Variants in PCDHGA8 observed in about 807,000 individuals in gnomAD.
PCDHGA8 encodes the protein protocadherin gamma subfamily A, 8.
In PCDHGA8, 45 loss-of-function variants were observed where a neutral mutation model predicts 59.2. The observed-to-expected ratio is 0.76, with a 90% CI of 0.60 to 0.98. PCDHGA8 has a LOEUF of 0.98. Among genes scored for constraint, PCDHGA8 ranks in the 50% least tolerant of loss-of-function variants. The pLI, the probability that PCDHGA8 is intolerant of heterozygous loss-of-function variation, is 0.00. For missense variants in PCDHGA8, 1,257 were observed against 1,196.2 expected, an observed-to-expected ratio of 1.05 and a Z score of -0.75; for synonymous variants, 531 against 519.0, an observed-to-expected ratio of 1.02 and a Z score of -0.32.
At chr5:141,456,197 C>T (rs1353243708) in intron 1 of PCDHGA8, among the ~76,000 whole-genome samples, 1 of 152,090 alleles carries the variant, frequency 6.6e-6, no homozygotes, top group Non-Finnish European at 1.5e-5. Context: ...ATAACTCCTA[C>T]CACATTCCTC....
At position 141,477,004 on chromosome 5, in the gene PCDHGA8, C is replaced by T. The variant is rs1390668803; in HGVS notation, c.2425-17803C>T. On this transcript the variant is annotated intron_variant, in intron 1 of 3. Coordinates refer to ENST00000398604, the MANE Select transcript of PCDHGA8 (RefSeq NM_032088.2). The surrounding 1 kb of genome is among the most constrained non-coding windows in gnomAD (Gnocchi z 4.9). ...GCGCCGGCGTGCGGCAACTATTCGC[C>T]TTAGACCTTGTAACCGGGATGCTGA... is the stretch of plus-strand genomic sequence containing the variant. 3 of 1,614,236 alleles carry T rather than the reference C, an allele frequency of 1.9e-6. No homozygotes were observed. The highest frequency in any genetic ancestry group is 2.5e-6 in the Non-Finnish European group (3 of 1,180,042).
chr5:141,486,345 A>C lies in PCDHGA8; in HGVS notation c.2425-8462A>C. On this transcript the variant is annotated intron_variant, in intron 1 of 3. Coordinates refer to ENST00000398604, the MANE Select transcript of PCDHGA8 (RefSeq NM_032088.2). This position sits in a 1 kb window ranked among gnomAD's most constrained non-coding sequence, Gnocchi z 5.0. Reference sequence around the variant, plus strand: ...GGAGATGTGAGCCTCCGCATTCCTGACCACTTGCCATTTGCCCTCAAGTCT... The same window carrying C: ...GGAGATGTGAGCCTCCGCATTCCTGCCCACTTGCCATTTGCCCTCAAGTCT... The C allele has an allele frequency of 6.2e-7, 1 of 1,613,940 alleles. No homozygotes were observed. The highest frequency in any genetic ancestry group is 8.5e-7 in the Non-Finnish European group (1 of 1,179,986).
chr5:141,399,538 T>G, intron 1 of PCDHGA8: 1 of 1,614,048 alleles, frequency 6.2e-7, no homozygotes, highest in Non-Finnish European at 8.5e-7. Context: ...CGCGCAAGTC[T>G]GCGCCTCGGA....
chr5:141,418,738 T>G lies in PCDHGA8; in HGVS notation c.2424+23501T>G, dbSNP rs781221446. 4.3e-6 allele frequency: 7 copies of G among 1,613,964 alleles called. No homozygotes were observed. In the South Asian group the frequency reaches 6.6e-5, roughly 15 times the overall value. On this transcript the variant is annotated intron_variant, in intron 1 of 3. Transcript: ENST00000398604. ...CTGACAAAGCTCAGCACGTGTTCTC[T>G]CTGGATTACACTACAGGAAACATTC...
chr5:141,467,764 TGCCCGCACCTCA>T (rs544344217), intron 1 of PCDHGA8, among the ~76,000 whole-genome samples: 90 of 152,158 alleles, frequency 5.9e-4, no homozygotes, highest in South Asian at 1.0e-3. Context: ...CATGCTCAAG[TGCCCGCACCTCA>T]GCCTCTCAAG....
chr5:141,409,736 G>A (rs1053484390), intron 1 of PCDHGA8: 3 of 1,613,110 alleles, frequency 1.9e-6, no homozygotes, highest in Non-Finnish European at 2.5e-6. Flanking sequence ...CGCGCAGAGC[G>A]GGGTGGTGTT....
chr5:141,466,674 T>C (rs2099127051), intron 1 of PCDHGA8, among the ~76,000 whole-genome samples: 1 of 152,222 alleles, frequency 6.6e-6, no homozygotes, highest in South Asian at 2.1e-4. Flanking sequence ...TTCACCGTTC[T>C]TCCACTCAAG....
chr5:141,459,068 A>G (rs1278498678), intron 1 of PCDHGA8, among the ~76,000 whole-genome samples: 1 of 152,226 alleles, frequency 6.6e-6, no homozygotes, highest in African/African-American at 2.4e-5. Flanking sequence ...TATATAACAT[A>G]AAATTTGCCT....
chr5:141,510,814 C>CA, intron 3 of PCDHGA8, 133 bp from the exon 4 acceptor site: 1 of 1,544,688 alleles, frequency 6.5e-7, no homozygotes, highest in Admixed American at 1.8e-5. Flanking sequence ...TTGGTGACCC[C>CA]TATATTCCCA....
chr5:141,487,810 C>G lies in PCDHGA8; in HGVS notation c.2425-6997C>G, dbSNP rs377060474. ...ATTAACCAGAGTTGTCACAGTTTAGCATTGGGGGCGGGTCATGCCTATATC... is the reference window on the plus strand; with the variant it reads ...ATTAACCAGAGTTGTCACAGTTTAGGATTGGGGGCGGGTCATGCCTATATC... On this transcript the variant is annotated intron_variant, in intron 1 of 3. Coordinates refer to ENST00000398604, the MANE Select transcript of PCDHGA8 (RefSeq NM_032088.2). The surrounding 1 kb of genome is among the most constrained non-coding windows in gnomAD (Gnocchi z 5.0). 7.1e-7 allele frequency: 1 copy of G among 1,417,854 alleles called. No homozygotes were observed. The highest frequency in any genetic ancestry group is 2.1e-5 in the Admixed American group (1 of 47,076). The allele number at this position is 1,417,854 out of a possible 1,614,324, so 87.8% of individuals were successfully genotyped here.
intron 1 of PCDHGA8, chr5:141,399,619 G>T (rs749025661): frequency 1.2e-6 from 2 of 1,613,784 alleles, no homozygotes; most frequent in Non-Finnish European, 1.7e-6. Flanking sequence ...TCTGGCACTG[G>T]CCTCTTACGT....
intron 1 of PCDHGA8, among the ~76,000 whole-genome samples, chr5:141,492,103 T>G (rs1458656062): frequency 6.6e-6 from 1 of 152,134 alleles, no homozygotes; most frequent in Non-Finnish European, 1.5e-5. Flanking sequence ...GTCTGTAGAT[T>G]TCCTCTTCGA....
In PCDHGA8 at chr5:141,428,425, T is replaced by A. The variant is rs1193842204; in HGVS notation, c.2424+33188T>A. ...GGGTTGCTTTCACCCTGGTCTCTGT[T>A]CTAAGACTAGACCAGGGGTTTTTCC... On this transcript the variant is annotated intron_variant, in intron 1 of 3. Transcript: ENST00000398604. 4 of 436,598 alleles carry A rather than the reference T, an allele frequency of 9.2e-6. No homozygotes were observed. In the East Asian group the frequency reaches 1.9e-4, roughly 21 times the overall value. 27.0% of individuals were successfully genotyped at this position (436,598 alleles called of 1,614,324 possible). A position where few individuals can be genotyped will look rare whatever the true frequency, so the allele number is the denominator to read the frequency against.
Position 141,486,662 on chromosome 5 carries a change from C to T in PCDHGA8, c.2425-8145C>T. 6.2e-7 allele frequency: 1 copy of T among 1,613,970 alleles called. No homozygotes were observed. The highest frequency in any genetic ancestry group is 1.1e-5 in the South Asian group (1 of 91,086). ...GCTTATCTCCTACTCACTCCTGGAG[C>T]CCAGGAATCGAGATGTATCAGCTTC... On this transcript the variant is annotated intron_variant, in intron 1 of 3. Coordinates refer to ENST00000398604, the MANE Select transcript of PCDHGA8 (RefSeq NM_032088.2). The surrounding 1 kb of genome is among the most constrained non-coding windows in gnomAD (Gnocchi z 5.0).
In PCDHGA8 at chr5:141,486,836, G is replaced by C; in HGVS notation, c.2425-7971G>C. On this transcript the variant is annotated intron_variant, in intron 1 of 3. Coordinates refer to ENST00000398604, the MANE Select transcript of PCDHGA8 (RefSeq NM_032088.2). This position sits in a 1 kb window ranked among gnomAD's most constrained non-coding sequence, Gnocchi z 5.0. ...CAGCACTGTAACAGTTCGTCTATTT[G>C]TGCTGGACCTCAATGACAATGCTCC... 1 of 1,614,242 alleles carries C rather than the reference G, an allele frequency of 6.2e-7. No individual in the cohort carries two copies. The highest frequency in any genetic ancestry group is 8.5e-7 in the Non-Finnish European group (1 of 1,180,046).
At chr5:141,422,500 G>A (rs762511271) in intron 1 of PCDHGA8, 1 of 1,614,008 alleles carries the variant, frequency 6.2e-7, no homozygotes, top group Non-Finnish European at 8.5e-7. Flanking sequence ...AACGTTGACA[G>A]CCACAGACCA....
At chr5:141,446,767 G>T (rs891355909) in intron 1 of PCDHGA8, among the ~76,000 whole-genome samples, 1 of 152,118 alleles carries the variant, frequency 6.6e-6, no homozygotes, top group African/African-American at 2.4e-5. Flanking sequence ...GCGCCCAGCC[G>T]GTTACCATTC....
At chr5:141,497,464 T>C (rs1277760390) in intron 2 of PCDHGA8, among the ~76,000 whole-genome samples, 1 of 151,764 alleles carries the variant, frequency 6.6e-6, no homozygotes, top group Admixed American at 6.6e-5. Context: ...CTTGGAGATA[T>C]GGAGGAGAAG....
At chr5:141,414,338 G>C in intron 1 of PCDHGA8, 1 of 1,613,832 alleles carries the variant, frequency 6.2e-7, no homozygotes, top group Non-Finnish European at 8.5e-7. Context: ...CAGGTAACCT[G>C]TTCCATTTTG....
Sources: allele counts gnomAD v4.1 joint callset (sites outside exome capture counted in the v4.1 genomes callset), GRCh38; gene constraint gnomAD v4.1.1; non-coding constraint Gnocchi (gnomAD v3.1); transcripts MANE v1.5; gene names NCBI Gene and HGNC (gene_info 2026-07-23, HGNC 2026-07-21).